Variants in LPIN1 observed in about 807,000 individuals in gnomAD.
LPIN1 encodes the protein phosphatidate phosphatase LPIN1.
Under a neutral mutation model 107.5 loss-of-function variants are expected in LPIN1, and 71 were observed. The ratio of observed to expected loss-of-function variants is 0.66; its 90% CI spans 0.55 to 0.80. LPIN1 has a LOEUF of 0.80. Ranked by LOEUF, LPIN1 falls within the 30% of genes least tolerant of loss-of-function variation. The pLI is 0.00. For missense variants in LPIN1, 1,043 were observed against 1,160.6 expected (o/e 0.90, Z 1.47); for synonymous variants, 445 against 452.6 (o/e 0.98, Z 0.21).
chr2:11,776,254 T>TA (rs774423797), intron 6 of LPIN1, 61 bp downstream of exon 6: 85 of 1,063,392 alleles, frequency 8.0e-5, no homozygotes, highest in Non-Finnish European at 9.4e-5. Flanking sequence ...ATCTAACTCT[T>TA]ACTATAAGTC....
At chr2:11,794,612 G>A (rs994015778) in intron 13 of LPIN1, among the ~76,000 whole-genome samples, 3 of 151,356 alleles carry the variant, frequency 2.0e-5, no homozygotes, top group South Asian at 2.1e-4. Context: ...TTAAAGGACC[G>A]TAGATTTCCT....
chr2:11,784,527 T>A (rs1446802901), intron 9 of LPIN1, among the ~76,000 whole-genome samples: 1 of 152,186 alleles, frequency 6.6e-6, no homozygotes, highest in Non-Finnish European at 1.5e-5. Flanking sequence ...CAGCCCTTTT[T>A]TCCCCCAGGA....
At chr2:11,706,807 TG>T (rs1663150531) in intron 1 of LPIN1, among the ~76,000 whole-genome samples, 1 of 152,194 alleles carries the variant, frequency 6.6e-6, no homozygotes, top group Admixed American at 6.5e-5. Flanking sequence ...GGTCTATATC[TG>T]GGGGCTCATT....
At chr2:11,696,746 C>T (rs1244425644) in intron 1 of LPIN1, among the ~76,000 whole-genome samples, 2 of 152,214 alleles carry the variant, frequency 1.3e-5, no homozygotes, top group African/African-American at 2.4e-5. Context: ...AACAACTCCT[C>T]GCTTGCTCCA....
At chr2:11,752,871 T>C (rs11676086) in intron 1 of LPIN1, among the ~76,000 whole-genome samples, 70,265 of 151,944 alleles carry the variant, frequency 0.46, 17,439 homozygotes, top group African/African-American at 0.64. Context: ...TTGTGAAGCC[T>C]GGAGATGGAT....
At chr2:11,805,977 G>C (rs1284429913) in intron 17 of LPIN1, among the ~76,000 whole-genome samples, 1 of 152,142 alleles carries the variant, frequency 6.6e-6, no homozygotes, top group Non-Finnish European at 1.5e-5. Flanking sequence ...TTGTGGCCTA[G>C]AGTCTCCCAT....
chr2:11,780,821 G>A (rs924421714), intron 7 of LPIN1, among the ~76,000 whole-genome samples: 1 of 152,186 alleles, frequency 6.6e-6, no homozygotes, highest in Non-Finnish European at 1.5e-5. Flanking sequence ...GCACCTGTAG[G>A]CCCTCTGAAT....
intron 16 of LPIN1, among the ~76,000 whole-genome samples, chr2:11,804,854 G>A (rs371630272): frequency 1.3e-5 from 2 of 152,138 alleles, no homozygotes; most frequent in African/African-American, 2.4e-5. Flanking sequence ...TGAACAAGCC[G>A]GTCACCTCGA....
At chr2:11,739,374 C>T (rs1422329463) in intron 1 of LPIN1, among the ~76,000 whole-genome samples, 1 of 152,140 alleles carries the variant, frequency 6.6e-6, no homozygotes, top group Non-Finnish European at 1.5e-5. Context: ...ATTCCTGACA[C>T]AAGAAACTGC....
chr2:11,789,541 C>T (rs565294983), intron 12 of LPIN1, among the ~76,000 whole-genome samples: 224 of 140,802 alleles, frequency 1.6e-3, no homozygotes, highest in South Asian at 5.2e-3. Flanking sequence ...TGTGTGCGTG[C>T]ATGTGTGGAT....
At chr2:11,701,173 C>G (rs958929820) in intron 1 of LPIN1, among the ~76,000 whole-genome samples, 8 of 152,156 alleles carry the variant, frequency 5.3e-5, no homozygotes, top group Non-Finnish European at 1.0e-4. Context: ...TTTCCTGACC[C>G]CTCCCCACCT....
At chr2:11,696,046 C>CT (rs531347349) in intron 1 of LPIN1, among the ~76,000 whole-genome samples, 27,695 of 125,964 alleles carry the variant, frequency 0.22, 4,892 homozygotes, top group African/African-American at 0.51. Context: ...GCTGACTCTC[C>CT]TTTTTTTTTT....
At chr2:11,702,275 A>G (rs1268159672) in intron 1 of LPIN1, among the ~76,000 whole-genome samples, 1 of 152,200 alleles carries the variant, frequency 6.6e-6, no homozygotes, top group Non-Finnish European at 1.5e-5. Context: ...AGGGCTGGCT[A>G]GTGTGAATAA....
chr2:11,680,659 G>C (rs1412796879), intron 1 of LPIN1, among the ~76,000 whole-genome samples: 1 of 152,220 alleles, frequency 6.6e-6, no homozygotes, highest in African/African-American at 2.4e-5. Flanking sequence ...TAGCTGCGGG[G>C]TCAGCTTGAG....
chr2:11,750,824 A>C (rs982536749), intron 1 of LPIN1, among the ~76,000 whole-genome samples: 1 of 152,230 alleles, frequency 6.6e-6, no homozygotes, highest in African/African-American at 2.4e-5. Context: ...TGGAACACCC[A>C]GGTGATATAT....
chr2:11,740,772 G>A (rs1666286097), intron 1 of LPIN1, among the ~76,000 whole-genome samples: 1 of 151,544 alleles, frequency 6.6e-6, no homozygotes, highest in South Asian at 2.1e-4. Context: ...CAATTGATAT[G>A]GGGTTAAATA....
Position 11,677,641 on chromosome 2 carries a change from G to A in LPIN1, c.-7G>A, listed in dbSNP as rs567013468. The stretch of plus-strand genomic sequence containing the variant: ...GAGGAGGCAGACAGCACCATACAGG[G>A]CGGGCCATGGGGGAACAGGACGGCA... On this transcript the variant is annotated 5_prime_UTR_variant, in exon 1 of 22. Transcript: ENST00000449576. The A allele has an allele frequency of 2.3e-5, 36 of 1,534,462 alleles. No individual in the cohort carries two copies. In the East Asian group the frequency reaches 8.1e-4, roughly 34 times the overall value.
intron 1 of LPIN1, among the ~76,000 whole-genome samples, chr2:11,754,670 A>G (rs1013828042): frequency 5.6e-4 from 86 of 152,314 alleles, no homozygotes; most frequent in African/African-American, 2.0e-3. Context: ...TGTGTTGTCC[A>G]GGAGCAAAGA....
At chr2:11,725,284 C>CAAAA (rs369704064) in intron 1 of LPIN1, among the ~76,000 whole-genome samples, 1 of 148,746 alleles carries the variant, frequency 6.7e-6, no homozygotes, top group Admixed American at 6.6e-5. Flanking sequence ...AAAACAAAAA[C>CAAAA]AAACAAACAA....
Sources: allele counts gnomAD v4.1 joint callset (sites outside exome capture counted in the v4.1 genomes callset), GRCh38; gene constraint gnomAD v4.1.1; transcripts MANE v1.5; gene names NCBI Gene and HGNC (gene_info 2026-07-23, HGNC 2026-07-21).